Variants in MAT1A observed in about 807,000 individuals in gnomAD.
MAT1A encodes S-adenosylmethionine synthase isoform type-1.
In MAT1A, 19 loss-of-function variants were observed where a neutral mutation model predicts 44.0. That is an observed-to-expected ratio of 0.43 (90% CI 0.30 to 0.63). The LOEUF is 0.63. MAT1A is among the 30% of genes least tolerant of loss of function. The pLI is 0.12. For missense variants in MAT1A, 397 were observed against 531.0 expected, an observed-to-expected ratio of 0.75 and a Z score of 2.48; for synonymous variants, 205 against 205.6, an observed-to-expected ratio of 1.00 and a Z score of 0.03.
chr10:80,282,312 C>T lies in MAT1A; in HGVS notation c.293-1520G>A, dbSNP rs548116338. Among the ~76,000 whole-genome samples, 30 of 152,270 alleles carry T rather than the reference C, an allele frequency of 2.0e-4. No individual in the cohort carries two copies. In the South Asian group the frequency reaches 4.4e-3, roughly 22 times the overall value. On this transcript the variant is annotated intron_variant, in intron 3 of 8. Transcript: ENST00000372213. Reference sequence around the variant, plus strand: ...CCAGCAACACCGCAGCCAGGAGCAACGAGGAGCCACTGGCCTGAGACCCTG... The same window carrying T: ...CCAGCAACACCGCAGCCAGGAGCAATGAGGAGCCACTGGCCTGAGACCCTG...
Position 80,289,458 on chromosome 10 carries a change from G to T in MAT1A, c.-35C>A. The T allele has an allele frequency of 6.6e-7, 1 of 1,520,590 alleles. No homozygotes were observed. The highest frequency in any genetic ancestry group is 9.1e-7 in the Non-Finnish European group (1 of 1,095,386). 94.2% of individuals were successfully genotyped at this position (1,520,590 alleles called of 1,614,324 possible). A position where few individuals can be genotyped will look rare whatever the true frequency, so the allele number is the denominator to read the frequency against. ...CTTCTCCACTCACGCTTCTTTCAGT[G>T]AACAATTTTGAGGCTGTGACTTTGC... On this transcript the variant is annotated 5_prime_UTR_variant, in exon 1 of 9. Coordinates refer to ENST00000372213, the MANE Select transcript of MAT1A (RefSeq NM_000429.3).
rs933189819 is a variant in MAT1A at position 80,289,594 on chromosome 10, G to A, written c.-171C>T. 2.2e-5 allele frequency: 15 copies of A among 668,114 alleles called. 2 individuals carry two copies. Among genetic ancestry groups the A allele is most frequent in the South Asian group, 1.7e-4 (11 of 63,276 alleles). The allele number at this position is 668,114 out of a possible 1,614,324, so 41.4% of individuals were successfully genotyped here. A position where few individuals can be genotyped will look rare whatever the true frequency, so the allele number is the denominator to read the frequency against. On this transcript the variant is annotated 5_prime_UTR_variant, in exon 1 of 9. Transcript: ENST00000372213. ...TGCCTGTGAGCACGTGAGAACAGGC[G>A]AGGACTGCTGAGAAGGGAGGGAGTG...
chr10:80,273,505 C>CG lies in MAT1A; in HGVS notation c.*275dup. The CG allele has an allele frequency of 2.3e-6, 1 of 442,550 alleles. No individual in the cohort carries two copies. The highest frequency in any genetic ancestry group is 4.2e-6 in the Non-Finnish European group (1 of 237,418). The allele number at this position is 442,550 out of a possible 1,614,324, so 27.4% of individuals were successfully genotyped here. A position where few individuals can be genotyped will look rare whatever the true frequency, so the allele number is the denominator to read the frequency against. ...GACGAGTGAGGGAATTCACTCTTGA[C>CG]GGGGGTGCCTTTTCCACTAAATTAA... On this transcript the variant is annotated 3_prime_UTR_variant, in exon 9 of 9. Coordinates refer to ENST00000372213, the MANE Select transcript of MAT1A (RefSeq NM_000429.3).
chr10:80,278,537 G>A (rs1188411966), intron 5 of MAT1A, among the ~76,000 whole-genome samples: 3 of 152,274 alleles, frequency 2.0e-5, no homozygotes, highest in East Asian at 1.9e-4. Context: ...GTGCCATCAC[G>A]ATCTACATGT....
chr10:80,273,476 G>A lies in MAT1A; in HGVS notation c.*305C>T, dbSNP rs1589479436. ...GAGCTGGTCAGGGTCCAGCTGTTGG[G>A]GGAGACGAGTGAGGGAATTCACTCT... On this transcript the variant is annotated 3_prime_UTR_variant, in exon 9 of 9. Coordinates refer to ENST00000372213, the MANE Select transcript of MAT1A (RefSeq NM_000429.3). 1 of 386,622 alleles carries A rather than the reference G, an allele frequency of 2.6e-6. No individual in the cohort carries two copies. Among genetic ancestry groups the A allele is most frequent in the East Asian group, 6.1e-5 (1 of 16,284 alleles). 23.9% of individuals were successfully genotyped at this position (386,622 alleles called of 1,614,324 possible).
intron 5 of MAT1A, among the ~76,000 whole-genome samples, chr10:80,279,457 A>G (rs190568817): frequency 6.6e-6 from 1 of 152,250 alleles, no homozygotes; most frequent in East Asian, 1.9e-4. Context: ...GTCCACGAGC[A>G]TGGACACAGG....
chr10:80,274,013 C>T, intron 8 of MAT1A, 130 bp from the exon 9 acceptor site: 1 of 742,472 alleles, frequency 1.3e-6, no homozygotes, highest in South Asian at 1.4e-5. Flanking sequence ...CGCCTCCCCA[C>T]CGCAGTTGCG....
At chr10:80,279,187 G>C (rs1414141190) in intron 5 of MAT1A, among the ~76,000 whole-genome samples, 1 of 152,178 alleles carries the variant, frequency 6.6e-6, no homozygotes, top group Non-Finnish European at 1.5e-5. Flanking sequence ...CAAGCAGGGA[G>C]TACCTTTGGA....
intron 5 of MAT1A, 44 bp downstream of exon 5, chr10:80,280,129 A>C (rs1373848040): frequency 1.4e-5 from 23 of 1,609,946 alleles, no homozygotes; most frequent in Non-Finnish European, 2.0e-5. Flanking sequence ...TGGGGGTATT[A>C]AAGCTTCTGT....
intron 7 of MAT1A, 132 bp downstream of exon 7, chr10:80,274,885 A>G (rs1841462064): frequency 7.7e-7 from 1 of 1,298,642 alleles, no homozygotes; most frequent in East Asian, 2.5e-5. Flanking sequence ...CACAGTGCCC[A>G]ACACAATCAC....
chr10:80,289,248 G>T, intron 1 of MAT1A, 85 bp downstream of exon 1: 1 of 1,066,272 alleles, frequency 9.4e-7, no homozygotes, highest in Non-Finnish European at 1.5e-6. Context: ...ATTATTATGT[G>T]TCAAATTAAA....
In MAT1A at chr10:80,274,594, G is replaced by C; in HGVS notation, c.1011C>G (p.Thr337=). ...PLSISIFTYG[T]SQKTERELLD... Reference sequence around the variant, plus strand: ...GCAGCTCTCGCTCTGTCTTCTGAGAGGTTCCGTAGGTGAAGATGGAAATGG... The same window carrying C: ...GCAGCTCTCGCTCTGTCTTCTGAGACGTTCCGTAGGTGAAGATGGAAATGG... The change falls in exon 8 of 9, where the codon ACC becomes ACG. Residue 337 remains threonine (T), a synonymous_variant. Transcript: ENST00000372213. 1 of 1,614,214 alleles carries C rather than the reference G, an allele frequency of 6.2e-7. No homozygotes were observed. The highest frequency in any genetic ancestry group is 8.5e-7 in the Non-Finnish European group (1 of 1,180,036).
In MAT1A at chr10:80,280,607, T is replaced by G. The variant is rs559758014; in HGVS notation, c.405+73A>C. On this transcript the variant is annotated intron_variant, in intron 4 of 8. Coordinates refer to ENST00000372213, the MANE Select transcript of MAT1A (RefSeq NM_000429.3). ...GCTAGGACAAGAATCCACCCCTCAG[T>G]GTGATTAACCCACTGCTCATGAACT... The G allele has an allele frequency of 6.5e-5, 85 of 1,309,888 alleles. No individual in the cohort carries two copies. The Middle Eastern group carries it at 7.3e-4, about 11-fold the overall frequency. 81.1% of individuals were successfully genotyped at this position (1,309,888 alleles called of 1,614,324 possible). A position where few individuals can be genotyped will look rare whatever the true frequency, so the allele number is the denominator to read the frequency against.
intron 6 of MAT1A, among the ~76,000 whole-genome samples, chr10:80,275,634 G>T (rs1841475996): frequency 2.0e-5 from 3 of 152,244 alleles, no homozygotes; most frequent in East Asian, 1.9e-4. Flanking sequence ...CTTTAAAAGG[G>T]TGGGAGTTCT....
At position 80,273,697 on chromosome 10, in the gene MAT1A, G is replaced by A. The variant is rs886047319; in HGVS notation, c.*84C>T. 2 of 981,402 alleles carry A rather than the reference G, an allele frequency of 2.0e-6. No individual in the cohort carries two copies. The highest frequency in any genetic ancestry group is 1.7e-6 in the Non-Finnish European group (1 of 605,468). 60.8% of individuals were successfully genotyped at this position (981,402 alleles called of 1,614,324 possible). ...CCCTGAGGGTTGGTGGGTGGGGAAGGCGATCAGCAGCCAGGCGTCTGGGGA... is the reference window on the plus strand; with the variant it reads ...CCCTGAGGGTTGGTGGGTGGGGAAGACGATCAGCAGCCAGGCGTCTGGGGA... On this transcript the variant is annotated 3_prime_UTR_variant, in exon 9 of 9. Coordinates refer to ENST00000372213, the MANE Select transcript of MAT1A (RefSeq NM_000429.3).
chr10:80,278,214 C>T (rs1306276381), intron 5 of MAT1A, among the ~76,000 whole-genome samples: 2 of 152,190 alleles, frequency 1.3e-5, no homozygotes, highest in African/African-American at 2.4e-5. Context: ...TTGGCATTTT[C>T]GAGACAATCC....
chr10:80,277,309 C>A (rs1041436755), intron 5 of MAT1A, among the ~76,000 whole-genome samples: 3 of 152,276 alleles, frequency 2.0e-5, no homozygotes, highest in Non-Finnish European at 4.4e-5. Flanking sequence ...AACCACGGGG[C>A]AGCAAACAGT....
chr10:80,285,419 T>A, intron 2 of MAT1A, 93 bp downstream of exon 2: 1 of 1,029,740 alleles, frequency 9.7e-7, no homozygotes, highest in Non-Finnish European at 1.5e-6. Flanking sequence ...ATTTTGGAAC[T>A]GAGGAGTATG....
intron 1 of MAT1A, 98 bp from the exon 2 acceptor site, chr10:80,285,687 C>A (rs1728786000): frequency 6.2e-6 from 5 of 806,874 alleles, no homozygotes; most frequent in Non-Finnish European, 1.1e-5. Flanking sequence ...GTTTACATAT[C>A]AACTTATCTA....
Sources: gnomAD v4.1 joint callset for allele counts (sites outside exome capture counted in the v4.1 genomes callset) on GRCh38, gnomAD v4.1.1 for gene constraint, MANE v1.5 for transcripts, NCBI Gene and HGNC (gene_info 2026-07-23, HGNC 2026-07-21) for gene names.